Variants in PCDHA2 observed in about 807,000 individuals in gnomAD.
PCDHA2 encodes the protein protocadherin alpha 2, also known as protocadherin alpha-2.
PCDHA2 carries 58 observed loss-of-function variants against 66.0 expected under a neutral mutation model. The ratio of observed to expected loss-of-function variants is 0.88; its 90% CI spans 0.71 to 1.09. The LOEUF is 1.09. PCDHA2 is among the 50% of genes least tolerant of loss of function. The pLI is 0.00. For missense variants in PCDHA2, 1,267 were observed against 1,242.3 expected (o/e 1.02, Z -0.30); for synonymous variants, 634 against 554.0 (o/e 1.14, Z -2.03).
Position 140,811,879 on chromosome 5 carries a change from C to A in PCDHA2, c.2388+14527C>A, listed in dbSNP as rs184579564. ...TTTTTCTTGTAAATGTGTTTAGGTT[C>A]TTTGTAGATTCTGGATATTAGCCCT... On this transcript the variant is annotated intron_variant, in intron 1 of 3. Transcript: ENST00000526136. 4.6e-5 allele frequency: 7 copies of A among 152,100 alleles called. No individual in the cohort carries two copies. In the East Asian group the frequency reaches 1.4e-3, roughly 29 times the overall value. The allele number at this position is 152,100 out of a possible 1,614,324, so 9.4% of individuals were successfully genotyped here. A position where few individuals can be genotyped will look rare whatever the true frequency, so the allele number is the denominator to read the frequency against.
rs556197231 is a variant in PCDHA2, at chr5:140,969,709, A to C, written c.2389-9240A>C. The stretch of plus-strand genomic sequence containing the variant: ...AAATGGCCTCTGCTGTATCATCTAC[A>C]GGGAAATTTTTCTTTTGAAATCCTA... On this transcript the variant is annotated intron_variant, in intron 1 of 3. Transcript: ENST00000526136. Among the ~76,000 whole-genome samples, 11 of 152,304 alleles carry C rather than the reference A, an allele frequency of 7.2e-5. No individual in the cohort carries two copies. The East Asian group carries it at 1.5e-3, about 21-fold the overall frequency.
At chr5:140,803,984 A>G (rs1763315135) in intron 1 of PCDHA2, 1 of 299,790 alleles carries the variant, frequency 3.3e-6, no homozygotes, top group African/African-American at 2.2e-5. Flanking sequence ...TGGACTTCCT[A>G]CTACCTGTTA....
intron 1 of PCDHA2, chr5:140,843,527 A>T (rs2150362053): frequency 6.3e-7 from 1 of 1,595,944 alleles, no homozygotes; most frequent in East Asian, 2.2e-5. Flanking sequence ...CCGGGCGGGC[A>T]AGCCCACTCT....
intron 1 of PCDHA2, among the ~76,000 whole-genome samples, chr5:140,896,682 C>A (rs573518532): frequency 6.6e-6 from 1 of 152,124 alleles, no homozygotes; most frequent in African/African-American, 2.4e-5. Flanking sequence ...CGGCCCTTTG[C>A]CCATTTTTTG....
intron 1 of PCDHA2, among the ~76,000 whole-genome samples, chr5:140,959,036 GTATGT>G (rs2095460948): frequency 6.6e-6 from 1 of 152,032 alleles, no homozygotes; most frequent in African/African-American, 2.4e-5. Flanking sequence ...TCATGGGTAT[GTATGT>G]ATAGGAAAAA....
intron 1 of PCDHA2, chr5:140,803,121 GC>G (rs1315934229): frequency 6.2e-7 from 1 of 1,613,644 alleles, no homozygotes; most frequent in African/African-American, 1.3e-5. Context: ...CGAGGTGGAC[GC>G]CCCGCGCCAT....
At chr5:140,875,342 A>T in intron 1 of PCDHA2, 1 of 1,443,152 alleles carries the variant, frequency 6.9e-7, no homozygotes, top group Non-Finnish European at 9.1e-7. Flanking sequence ...GATCGACTCC[A>T]TAATGACTGT....
chr5:140,808,638 C>T (rs144422081), intron 1 of PCDHA2: 7 of 1,613,310 alleles, frequency 4.3e-6, no homozygotes, highest in Non-Finnish European at 5.9e-6. Flanking sequence ...GACGCGGACG[C>T]GCAGGAGAAC....
intron 1 of PCDHA2, among the ~76,000 whole-genome samples, chr5:140,932,458 G>T (rs1316450984): frequency 6.6e-6 from 1 of 151,710 alleles, no homozygotes; most frequent in African/African-American, 2.4e-5. Flanking sequence ...TTTTGCCAGG[G>T]TATATAGGAA....
chr5:140,857,146 C>G lies in PCDHA2; in HGVS notation c.2388+59794C>G, dbSNP rs1554149571. ...TGAAAGAAGATGCTCAAGTGGGCAC[C>G]GTCATTGCCCTAATCAGCGTTTCTG... On this transcript the variant is annotated intron_variant, in intron 1 of 3. Coordinates refer to ENST00000526136, the MANE Select transcript of PCDHA2 (RefSeq NM_018905.3). The G allele has an allele frequency of 1.9e-6, 3 of 1,598,132 alleles. 1 individual carries two copies. In the South Asian group the frequency reaches 3.3e-5, roughly 18 times the overall value.
intron 1 of PCDHA2, among the ~76,000 whole-genome samples, chr5:140,887,453 T>C (rs2061454477): frequency 6.6e-6 from 1 of 152,178 alleles, no homozygotes; most frequent in Non-Finnish European, 1.5e-5. Flanking sequence ...TGACAGTTTT[T>C]TAAAAGATAT....
At chr5:141,000,379 C>G (rs1286955585) in intron 3 of PCDHA2, among the ~76,000 whole-genome samples, 6 of 60,366 alleles carry the variant, frequency 9.9e-5, no homozygotes, top group South Asian at 5.4e-4. Context: ...CTCTCTCTCT[C>G]TCTCTCTCTC....
intron 1 of PCDHA2, chr5:140,928,238 A>T (rs147430561): frequency 1.9e-6 from 3 of 1,614,188 alleles, no homozygotes; most frequent in Non-Finnish European, 2.5e-6. Context: ...CCTCAACCCC[A>T]GCAGGAACTT....
chr5:140,852,228 A>G, intron 1 of PCDHA2: 1 of 612,592 alleles, frequency 1.6e-6, no homozygotes, highest in Non-Finnish European at 2.1e-6. Context: ...TAATTTTTAA[A>G]TTTTCCCTTA....
chr5:140,888,487 ACT>A (rs1486157760), intron 1 of PCDHA2, among the ~76,000 whole-genome samples: 1 of 152,162 alleles, frequency 6.6e-6, no homozygotes, highest in Non-Finnish European at 1.5e-5. Flanking sequence ...CTGTTGAGAA[ACT>A]CTGCTTTAAA....
intron 1 of PCDHA2, chr5:140,884,792 G>T: frequency 7.6e-7 from 1 of 1,312,776 alleles, no homozygotes; most frequent in Non-Finnish European, 1.0e-6. Context: ...AGTTGTTATC[G>T]AATTTAACAA....
In PCDHA2 at chr5:140,884,236, G is replaced by A. The variant is rs368136155; in HGVS notation, c.2388+86884G>A. ...TGGTGCTGGTGAAGGACCACGGTGAGCCCGCGCTGACGGCCACGGCAACGG... is the reference window on the plus strand; with the variant it reads ...TGGTGCTGGTGAAGGACCACGGTGAACCCGCGCTGACGGCCACGGCAACGG... On this transcript the variant is annotated intron_variant, in intron 1 of 3. Transcript: ENST00000526136. 11 of 1,613,334 alleles carry A rather than the reference G, an allele frequency of 6.8e-6. No homozygotes were observed. The African/African-American group carries it at 1.2e-4, about 18-fold the overall frequency.
At chr5:140,813,514 A>C (rs1765320066) in intron 1 of PCDHA2, 2 of 152,204 alleles carry the variant, frequency 1.3e-5, no homozygotes, top group Non-Finnish European at 2.9e-5. Flanking sequence ...AAAACATTGT[A>C]CAGATTTTTA....
intron 1 of PCDHA2, chr5:140,823,015 C>A (rs2150121299): frequency 4.1e-5 from 66 of 1,614,106 alleles, no homozygotes; most frequent in Non-Finnish European, 5.5e-5. Flanking sequence ...CGCCCTGGAC[C>A]GCGAGAGCGT....
Sources: allele counts gnomAD v4.1 joint callset (sites outside exome capture counted in the v4.1 genomes callset), GRCh38; gene constraint gnomAD v4.1.1; transcripts MANE v1.5; gene names NCBI Gene and HGNC (gene_info 2026-07-23, HGNC 2026-07-21).